The following OR52K1 variants were observed in gnomAD, a reference collection of about 807,000 sequenced individuals.
OR52K1 encodes olfactory receptor 52K1.
A neutral mutation model predicts 8.7 loss-of-function variants in OR52K1; 10 were observed. The observed-to-expected ratio is 1.15, with a 90% CI of 0.71 to 1.95. The LOEUF (loss-of-function observed/expected upper bound fraction) is 1.95. OR52K1 is among the 30% of genes most tolerant of loss of function. The pLI, the probability that OR52K1 is intolerant of heterozygous loss-of-function variation, is 0.00. For missense variants in OR52K1, 431 were observed against 397.2 expected (o/e 1.08, Z -0.72); for synonymous variants, 203 against 148.5 (o/e 1.37, Z -2.67).
chr11:4,488,029 A>G (rs1846334321), intron 1 of OR52K1, among the ~76,000 whole-genome samples: 1 of 152,228 alleles, frequency 6.6e-6, no homozygotes, highest in Non-Finnish European at 1.5e-5. Context: ...CCTGTGACAA[A>G]AAGAAGGAAC....
rs372011983 is a variant in OR52K1 at position 4,488,855 on chromosome 11, A to G, written c.-46A>G. On this transcript the variant is annotated 5_prime_UTR_variant, in exon 2 of 2. Coordinates refer to ENST00000641528, the MANE Select transcript of OR52K1 (RefSeq NM_001005171.3). ...ATATACTGTAGAAGGTATATATAGA[A>G]GGTGAAGAAGCCCTGTAAAAATTGA... 394 of 1,313,628 alleles carry G rather than the reference A, an allele frequency of 3.0e-4. 5 individuals are homozygous for G. In the South Asian group the frequency reaches 4.6e-3, roughly 15 times the overall value. The allele number at this position is 1,313,628 out of a possible 1,614,324, so 81.4% of individuals were successfully genotyped here.
chr11:4,489,008 T>TTA lies in OR52K1; in HGVS notation c.111_112dup (p.Thr38IlefsTer6). ...GGATCTCCATCCCCTTCTGCTTTGC[T>TTA]TATACTCTGGCCCTGCTAGGCAACT... On this transcript the variant is annotated frameshift_variant, in exon 2 of 2. Coordinates refer to ENST00000641528, the MANE Select transcript of OR52K1 (RefSeq NM_001005171.3). LOFTEE classifies it high-confidence loss of function. The TTA allele has an allele frequency of 6.2e-7, 1 of 1,614,228 alleles. No individual in the cohort carries two copies. Among genetic ancestry groups the TTA allele is most frequent in the Non-Finnish European group, 8.5e-7 (1 of 1,180,034 alleles).
rs1446242426 is a variant in OR52K1 at position 4,488,673 on chromosome 11, A to C, written c.-228A>C. 3 of 532,736 alleles carry C rather than the reference A, an allele frequency of 5.6e-6. No homozygotes were observed. The highest frequency in any genetic ancestry group is 9.9e-6 in the Non-Finnish European group (3 of 302,304). The allele number at this position is 532,736 out of a possible 1,614,324, so 33.0% of individuals were successfully genotyped here. On this transcript the variant is annotated 5_prime_UTR_variant, in exon 2 of 2. Transcript: ENST00000641528. ...TAAATATCCATAGAATTGATATCCC[A>C]TCTACTCAATGAGATTCAAATTTCT...
At chr11:4,487,897 C>T (rs1371343367) in intron 1 of OR52K1, among the ~76,000 whole-genome samples, 2 of 151,780 alleles carry the variant, frequency 1.3e-5, no homozygotes, top group African/African-American at 4.8e-5. Flanking sequence ...CTGGGTAACT[C>T]TAGTGTTTAA....
chr11:4,485,392 T>C (rs1013358188), intron 1 of OR52K1, among the ~76,000 whole-genome samples: 6 of 152,190 alleles, frequency 3.9e-5, no homozygotes, highest in African/African-American at 1.4e-4. Flanking sequence ...CATATTCACT[T>C]GAATTTCTGA....
At position 4,490,046 on chromosome 11, in the gene OR52K1, G is replaced by A; in HGVS notation, c.*201G>A. On this transcript the variant is annotated 3_prime_UTR_variant, in exon 2 of 2. Transcript: ENST00000641528. ...ACCTATAGTCTGGTCTGATAGTAGA[G>A]GTTTGACCTTCCCATTGTCATAGAC... The A allele has an allele frequency of 1.7e-6, 1 of 575,006 alleles. No individual in the cohort carries two copies. The highest frequency in any genetic ancestry group is 3.1e-6 in the Non-Finnish European group (1 of 323,490). The allele number at this position is 575,006 out of a possible 1,614,324, so 35.6% of individuals were successfully genotyped here. A position where few individuals can be genotyped will look rare whatever the true frequency, so the allele number is the denominator to read the frequency against.
Position 4,489,815 on chromosome 11 carries a change from G to C in OR52K1, c.915G>C (p.Val305=). Residue 305 remains valine, a synonymous_variant, in exon 2 of 2, where the codon GTG becomes GTC. Coordinates refer to ENST00000641528, the MANE Select transcript of OR52K1 (RefSeq NM_001005171.3). ...GVKTKQIREY[V]LSLFQRKNM The stretch of plus-strand genomic sequence containing the variant: ...AGACCAAGCAGATTCGTGAGTATGT[G>C]CTCAGTCTATTCCAGAGAAAGAACA... 3 of 1,611,778 alleles carry C rather than the reference G, an allele frequency of 1.9e-6. No individual in the cohort carries two copies. Among genetic ancestry groups the C allele is most frequent in the Admixed American group, 3.3e-5 (2 of 59,930 alleles).
In OR52K1 at chr11:4,489,469, C is replaced by T. The variant is rs570619154; in HGVS notation, c.569C>T (p.Ala190Val). The change falls in exon 2 of 2, where the codon GCG (alanine) becomes GTG (valine). Residue 190 changes from alanine (A) to valine (V), a missense_variant. Ala to Val is a moderately conservative substitution (Grantham distance 64, BLOSUM62 0). Transcript: ENST00000641528. Reference protein sequence around the residue: ...YCEHMAVVRLACGDTSFNNIY... With the variant: ...YCEHMAVVRLVCGDTSFNNIY... ...GAACACATGGCTGTGGTAAGGCTGG[C>T]GTGTGGGGACACTAGCTTCAACAAT... The T allele has an allele frequency of 4.2e-5, 68 of 1,614,136 alleles. No homozygotes were observed. Among genetic ancestry groups the T allele is most frequent in the East Asian group, 8.9e-5 (4 of 44,886 alleles).
At chr11:4,487,191 G>A (rs1846327777) in intron 1 of OR52K1, among the ~76,000 whole-genome samples, 1 of 152,206 alleles carries the variant, frequency 6.6e-6, no homozygotes, top group South Asian at 2.1e-4. Context: ...AAGAAAAGCA[G>A]AGGTTTGAAT....
At position 4,489,461 on chromosome 11, in the gene OR52K1, A is replaced by G. The variant is rs201805149; in HGVS notation, c.561A>G (p.Val187=). ...AHCYCEHMAV[V]RLACGDTSFN... is the part of the protein sequence containing the mutation. ...GCTACTGTGAACACATGGCTGTGGT[A>G]AGGCTGGCGTGTGGGGACACTAGCT... Residue 187 remains valine, a synonymous_variant, in exon 2 of 2, where the codon GTA becomes GTG. Coordinates refer to ENST00000641528, the MANE Select transcript of OR52K1 (RefSeq NM_001005171.3). 249 of 1,614,222 alleles carry G rather than the reference A, an allele frequency of 1.5e-4. No homozygotes were observed. The highest frequency in any genetic ancestry group is 1.9e-4 in the Non-Finnish European group (227 of 1,180,032).
rs1183167151 is a variant in OR52K1, at chr11:4,493,094, G to GTACT, written c.*3251_*3254dup. ...CTTCTATGCATTTCAAAGACTTTTAGTACTTTCACTTATTCTGCTACTGCT... is the reference window on the plus strand; with the variant it reads ...CTTCTATGCATTTCAAAGACTTTTAGTACTTACTTTCACTTATTCTGCTACTGCT... On this transcript the variant is annotated 3_prime_UTR_variant, in exon 2 of 2. Coordinates refer to ENST00000641528, the MANE Select transcript of OR52K1 (RefSeq NM_001005171.3). The GTACT allele has an allele frequency of 6.6e-6, 1 of 152,400 alleles. No individual in the cohort carries two copies. Among genetic ancestry groups the GTACT allele is most frequent in the Admixed American group, 6.5e-5 (1 of 15,282 alleles). 9.4% of individuals were successfully genotyped at this position (152,400 alleles called of 1,614,324 possible).
At chr11:4,485,681 G>T (rs1846315920) in intron 1 of OR52K1, among the ~76,000 whole-genome samples, 1 of 152,098 alleles carries the variant, frequency 6.6e-6, no homozygotes, top group Admixed American at 6.5e-5. Context: ...ATAGTCTCCA[G>T]GTACTTTCCC....
chr11:4,485,275 G>C (rs1362759417), intron 1 of OR52K1, among the ~76,000 whole-genome samples: 1 of 152,130 alleles, frequency 6.6e-6, no homozygotes, highest in Non-Finnish European at 1.5e-5. Context: ...TTAATGTTGG[G>C]ATTCAGTTCT....
Position 4,489,279 on chromosome 11 carries a change from G to T in OR52K1, c.379G>T (p.Ala127Ser), listed in dbSNP as rs771712348. 6 of 1,613,994 alleles carry T rather than the reference G, an allele frequency of 3.7e-6. No homozygotes were observed. The highest frequency in any genetic ancestry group is 5.1e-6 in the Non-Finnish European group (6 of 1,180,040). ...GGCCATGGCCTTTGACCGCTATGTG[G>T]CCATCTGCAAGCCATTGCACTACAC... is the stretch of plus-strand genomic sequence containing the variant. The part of the protein sequence containing the change: ...LLAMAFDRYV[A>S]ICKPLHYTTV... Residue 127 changes from alanine (A) to serine (S), a missense_variant, in exon 2 of 2, where the codon GCC (alanine) becomes TCC (serine). Ala to Ser is a moderately conservative substitution (Grantham distance 99). Transcript: ENST00000641528.
At position 4,490,556 on chromosome 11, in the gene OR52K1, G is replaced by A. The variant is rs1846366078; in HGVS notation, c.*711G>A. The A allele has an allele frequency of 6.6e-6, 1 of 152,112 alleles. No individual in the cohort carries two copies. Among genetic ancestry groups the A allele is most frequent in the Non-Finnish European group, 1.5e-5 (1 of 68,038 alleles). The allele number at this position is 152,112 out of a possible 1,614,324, so 9.4% of individuals were successfully genotyped here. ...AAATACTTAGTAATATTTATTAAAT[G>A]AACGGATAGAAGAGCTGAATACTAT... On this transcript the variant is annotated 3_prime_UTR_variant, in exon 2 of 2. Transcript: ENST00000641528.
Position 4,490,888 on chromosome 11 carries a change from T to A in OR52K1, c.*1043T>A, listed in dbSNP as rs1846368951. ...TTCATTAGCTATTTTTCTGTTTAAA[T>A]ACACAAATACTTATTGTGTTACAAT... On this transcript the variant is annotated 3_prime_UTR_variant, in exon 2 of 2. Coordinates refer to ENST00000641528, the MANE Select transcript of OR52K1 (RefSeq NM_001005171.3). 6.6e-6 allele frequency: 1 copy of A among 152,232 alleles called. No homozygotes were observed. Among genetic ancestry groups the A allele is most frequent in the African/African-American group, 2.4e-5 (1 of 41,464 alleles). 9.4% of individuals were successfully genotyped at this position (152,232 alleles called of 1,614,324 possible). A position where few individuals can be genotyped will look rare whatever the true frequency, so the allele number is the denominator to read the frequency against.
chr11:4,488,822 C>G lies in OR52K1; in HGVS notation c.-79C>G. ...CAGGTGGGATAGCACAGGTTGAACT[C>G]TAATCATATATACTGTAGAAGGTAT... On this transcript the variant is annotated 5_prime_UTR_variant, in exon 2 of 2. Transcript: ENST00000641528. 9.9e-7 allele frequency: 1 copy of G among 1,014,490 alleles called. No individual in the cohort carries two copies. The allele number at this position is 1,014,490 out of a possible 1,614,324, so 62.8% of individuals were successfully genotyped here. A position where few individuals can be genotyped will look rare whatever the true frequency, so the allele number is the denominator to read the frequency against.
In OR52K1 at chr11:4,488,594, A is replaced by G. The variant is rs906011822; in HGVS notation, c.-307A>G. On this transcript the variant is annotated 5_prime_UTR_variant, in exon 2 of 2. Transcript: ENST00000641528. ...CAAGGTATTCATGACATCACCAAGA[A>G]CACAGAAAACACTACATATACTCCA... is the stretch of plus-strand genomic sequence containing the variant. The G allele has an allele frequency of 1.1e-5, 3 of 283,678 alleles. No individual in the cohort carries two copies. The highest frequency in any genetic ancestry group is 4.7e-5 in the Admixed American group (1 of 21,334). The allele number at this position is 283,678 out of a possible 1,614,324, so 17.6% of individuals were successfully genotyped here.
At chr11:4,483,289 A>AT in intron 1 of OR52K1, 113 bp downstream of exon 1, 1 of 397,626 alleles carries the variant, frequency 2.5e-6, no homozygotes, top group Non-Finnish European at 4.4e-6. Flanking sequence ...TGTCATTCTG[A>AT]TATCCTTTTA....
Sources: gnomAD v4.1 joint callset for allele counts (sites outside exome capture counted in the v4.1 genomes callset) on GRCh38, gnomAD v4.1.1 for gene constraint, MANE v1.5 for transcripts, NCBI Gene and HGNC (gene_info 2026-07-23, HGNC 2026-07-21) for gene names.